The following NAA25 variants were observed in gnomAD, a reference collection of about 807,000 sequenced individuals.
NAA25 encodes the protein N-terminal acetyltransferase B complex subunit NAA25.
A neutral mutation model predicts 132.5 loss-of-function variants in NAA25; 30 were observed. The ratio of observed to expected loss-of-function variants is 0.23; its 90% CI spans 0.17 to 0.31. NAA25 has a LOEUF of 0.31. NAA25 is among the 10% of genes least tolerant of loss of function. The pLI is 1.00. For synonymous variants in NAA25, 359 were observed against 401.9 expected, an observed-to-expected ratio of 0.89 and a Z score of 1.28; for missense variants, 771 against 1,150.4, an observed-to-expected ratio of 0.67 and a Z score of 4.77.
chr12:112,035,681 CT>C (rs11356583), intron 22 of NAA25, among the ~76,000 whole-genome samples: 61,581 of 138,122 alleles, frequency 0.45, 16,587 homozygotes, highest in East Asian at 0.89. Flanking sequence ...CATCAACTTT[CT>C]TTTTTTTTTT....
At chr12:112,095,029 TG>T (rs2136935520) in intron 1 of NAA25, among the ~76,000 whole-genome samples, 1 of 152,176 alleles carries the variant, frequency 6.6e-6, no homozygotes, top group South Asian at 2.1e-4. Context: ...AGGCTGAGTG[TG>T]GTGGCTCATG....
At chr12:112,080,552 G>A (rs551910016) in intron 5 of NAA25, among the ~76,000 whole-genome samples, 1 of 152,074 alleles carries the variant, frequency 6.6e-6, no homozygotes, top group East Asian at 2.0e-4. Context: ...CCAGGCTAGA[G>A]TGCAGTGACA....
chr12:112,058,359 T>TA (rs2078577047), intron 13 of NAA25, among the ~76,000 whole-genome samples: 1 of 152,202 alleles, frequency 6.6e-6, no homozygotes, highest in African/African-American at 2.4e-5. Context: ...AAAAAAATTT[T>TA]AAAGTAGATT....
chr12:112,078,697 C>T lies in NAA25; in HGVS notation c.522G>A (p.Leu174=), dbSNP rs774172762. 9.3e-6 allele frequency: 15 copies of T among 1,613,848 alleles called. No individual in the cohort carries two copies. The highest frequency in any genetic ancestry group is 2.5e-6 in the Non-Finnish European group (3 of 1,179,946). The change falls in exon 6 of 24, where the codon CTG becomes CTA. Residue 174 remains leucine, a synonymous_variant. Transcript: ENST00000261745. ...QDENLSKTMF[L]PLAERMVEKM... ...TTTCGACCATTCTCTCAGCAAGGGGCAGAAACATTGTTTTTGAGAGGTTTT... is the reference window on the plus strand; with the variant it reads ...TTTCGACCATTCTCTCAGCAAGGGGTAGAAACATTGTTTTTGAGAGGTTTT...
intron 7 of NAA25, among the ~76,000 whole-genome samples, chr12:112,076,758 G>A (rs979823859): frequency 6.6e-6 from 1 of 151,720 alleles, no homozygotes; most frequent in African/African-American, 2.4e-5. Flanking sequence ...CACTTTGGGA[G>A]GCTGAAGCAG....
At chr12:112,094,620 CAAT>C (rs1242835056) in intron 1 of NAA25, among the ~76,000 whole-genome samples, 3 of 151,970 alleles carry the variant, frequency 2.0e-5, no homozygotes, top group Admixed American at 2.0e-4. Context: ...GAATGAATTT[CAAT>C]AATAGCAGGA....
intron 9 of NAA25, among the ~76,000 whole-genome samples, chr12:112,072,394 G>A (rs534387358): frequency 6.6e-6 from 1 of 152,060 alleles, no homozygotes; most frequent in African/African-American, 2.4e-5. Flanking sequence ...GATCACTTGA[G>A]GTCAGGAGTT....
At chr12:112,076,721 G>A (rs2078900197) in intron 7 of NAA25, among the ~76,000 whole-genome samples, 1 of 151,034 alleles carries the variant, frequency 6.6e-6, no homozygotes. Flanking sequence ...GGCCAGGCCT[G>A]ACAGGTCACA....
At chr12:112,089,285 T>C (rs1475531437) in intron 3 of NAA25, among the ~76,000 whole-genome samples, 2 of 152,182 alleles carry the variant, frequency 1.3e-5, no homozygotes, top group Non-Finnish European at 2.9e-5. Context: ...TGTTACAATC[T>C]GAGCTATTTG....
chr12:112,058,289 G>C (rs2078576429), intron 13 of NAA25, among the ~76,000 whole-genome samples: 1 of 152,212 alleles, frequency 6.6e-6, no homozygotes, highest in African/African-American at 2.4e-5. Flanking sequence ...GTAAAACTTA[G>C]ATGAGGGAGG....
intron 23 of NAA25, 45 bp downstream of exon 23, chr12:112,033,184 GTGTT>G (rs759958743): frequency 4.6e-6 from 7 of 1,524,850 alleles, no homozygotes; most frequent in South Asian, 1.3e-5. Context: ...GAGAGACAGA[GTGTT>G]TGTGTGTGTG....
intron 1 of NAA25, among the ~76,000 whole-genome samples, chr12:112,107,227 T>C (rs111597699): frequency 0.025 from 3,782 of 151,826 alleles, 74 homozygotes; most frequent in Non-Finnish European, 0.039. Flanking sequence ...GCCACTGTAC[T>C]CCAACCTGGA....
At chr12:112,052,196 T>C (rs1035643072) in intron 15 of NAA25, among the ~76,000 whole-genome samples, 2 of 152,170 alleles carry the variant, frequency 1.3e-5, no homozygotes, top group African/African-American at 4.8e-5. Context: ...CAAGTACAGA[T>C]ACTTGAACAC....
In NAA25 at chr12:112,087,800, C is replaced by T. The variant is rs780493872; in HGVS notation, c.285G>A (p.Pro95=). ...CCTCATAAAGTTTTGTAACTAACTC[C>T]GCTAAGATAAAGAGAAATAAGATTT... ...LTILYREMHR[P]ELVTKLYEAA... Residue 95 remains proline, a splice_region_variant and synonymous_variant, in exon 4 of 24, where the codon CCG becomes CCA. Coordinates refer to ENST00000261745, the MANE Select transcript of NAA25 (RefSeq NM_024953.4). 8.9e-6 allele frequency: 14 copies of T among 1,578,768 alleles called. No homozygotes were observed. The highest frequency in any genetic ancestry group is 2.2e-5 in the East Asian group (1 of 44,684).
At chr12:112,044,886 A>AG (rs2078355903) in intron 17 of NAA25, among the ~76,000 whole-genome samples, 1 of 151,202 alleles carries the variant, frequency 6.6e-6, no homozygotes, top group East Asian at 1.9e-4. Flanking sequence ...AAAAAAAAAA[A>AG]AAAAAAAATA....
At chr12:112,044,088 C>T (rs543368239) in intron 17 of NAA25, among the ~76,000 whole-genome samples, 1 of 151,906 alleles carries the variant, frequency 6.6e-6, no homozygotes, top group South Asian at 2.1e-4. Context: ...CCACCACGCC[C>T]GGCTAATTTT....
At chr12:112,086,073 T>TATATATACACACACACACACACAC (rs759148501) in intron 4 of NAA25, among the ~76,000 whole-genome samples, 2 of 53,988 alleles carry the variant, frequency 3.7e-5, no homozygotes, top group East Asian at 2.3e-3. Flanking sequence ...TATATATATA[T>TATATATACACACACACACACACAC]ACACACACAC....
chr12:112,062,776 C>T (rs1385660238), intron 11 of NAA25, among the ~76,000 whole-genome samples: 1 of 151,550 alleles, frequency 6.6e-6, no homozygotes, highest in Non-Finnish European at 1.5e-5. Flanking sequence ...GTGAAGAGGC[C>T]GGGAGCAGTG....
intron 13 of NAA25, among the ~76,000 whole-genome samples, chr12:112,059,146 GC>G (rs2078590563): frequency 7.9e-6 from 1 of 125,866 alleles, no homozygotes; most frequent in Non-Finnish European, 1.6e-5. Context: ...GGTGGCATGT[GC>G]CTGTAAACCC....
Sources: allele counts gnomAD v4.1 joint callset (sites outside exome capture counted in the v4.1 genomes callset), GRCh38; gene constraint gnomAD v4.1.1; transcripts MANE v1.5; gene names NCBI Gene and HGNC (gene_info 2026-07-23, HGNC 2026-07-21).